The following KCNJ6 variants were observed in gnomAD, a reference collection of about 807,000 sequenced individuals.
The protein encoded by KCNJ6 is potassium inwardly rectifying channel subfamily J member 6, also known as G protein-activated inward rectifier potassium channel 2.
In KCNJ6, 9 loss-of-function variants were observed where a neutral mutation model predicts 34.2. The observed-to-expected ratio is 0.26, with a 90% CI of 0.16 to 0.46. KCNJ6 has a LOEUF of 0.46. KCNJ6 is among the 20% of genes least tolerant of loss of function. KCNJ6 has a pLI of 1.00. For missense variants in KCNJ6, 236 were observed against 531.3 expected (o/e 0.44, Z 5.46); for synonymous variants, 196 against 207.1 (o/e 0.95, Z 0.46).
chr21:37,771,317 C>T (rs1375456617), intron 2 of KCNJ6, among the ~76,000 whole-genome samples: 4 of 152,100 alleles, frequency 2.6e-5, no homozygotes, highest in Non-Finnish European at 5.9e-5. Flanking sequence ...GGACCTGAAT[C>T]CTTAAAAGCA....
chr21:37,716,570 C>CG (rs1556023975), intron 2 of KCNJ6, among the ~76,000 whole-genome samples: 2 of 151,658 alleles, frequency 1.3e-5, no homozygotes, highest in South Asian at 2.1e-4. Flanking sequence ...TTCATGGAGA[C>CG]GGGGGTCTCA....
chr21:37,638,712 C>T (rs2054368395), intron 3 of KCNJ6, among the ~76,000 whole-genome samples: 1 of 152,124 alleles, frequency 6.6e-6, no homozygotes, highest in Non-Finnish European at 1.5e-5. Flanking sequence ...GTCCTGGCTA[C>T]CATCTTCAGA....
At chr21:37,900,541 G>A (rs892106192) in intron 1 of KCNJ6, among the ~76,000 whole-genome samples, 5 of 152,174 alleles carry the variant, frequency 3.3e-5, no homozygotes, top group South Asian at 2.1e-4. Flanking sequence ...AGAAGGTAAC[G>A]CATACTATGG....
Position 37,761,659 on chromosome 21 carries a change from G to A in KCNJ6, c.26-46528C>T, listed in dbSNP as rs546660628. 3.5e-5 allele frequency among the ~76,000 whole-genome samples: 5 copies of A among 140,850 alleles called. No homozygotes were observed. In the East Asian group the frequency reaches 8.2e-4, roughly 23 times the overall value. The allele number at this position is 140,850 out of a possible 152,430, so 92.4% of individuals were successfully genotyped here. Reference sequence around the variant, plus strand: ...TTGTGTTGTGTGTGTATATTTGTGTGTTGTATGTAGTTTGTGTGTATATTT... The same window carrying A: ...TTGTGTTGTGTGTGTATATTTGTGTATTGTATGTAGTTTGTGTGTATATTT... On this transcript the variant is annotated intron_variant, in intron 2 of 3. Transcript: ENST00000609713.
intron 3 of KCNJ6, among the ~76,000 whole-genome samples, chr21:37,659,783 T>A (rs1186446347): frequency 6.6e-6 from 1 of 152,268 alleles, no homozygotes; most frequent in Non-Finnish European, 1.5e-5. Context: ...GCTTCAGGAT[T>A]CAACCTTGTC....
intron 2 of KCNJ6, among the ~76,000 whole-genome samples, chr21:37,803,730 A>G (rs1035540766): frequency 3.3e-5 from 5 of 152,194 alleles, no homozygotes; most frequent in Admixed American, 6.5e-5. Context: ...GCTTCAAATT[A>G]AAATGAACAC....
At chr21:37,902,012 A>G (rs1326458637) in intron 1 of KCNJ6, among the ~76,000 whole-genome samples, 1 of 152,212 alleles carries the variant, frequency 6.6e-6, no homozygotes, top group Non-Finnish European at 1.5e-5. Flanking sequence ...AACTCATCTA[A>G]TAGAGCTCAG....
chr21:37,799,532 G>A (rs1210982942), intron 2 of KCNJ6, among the ~76,000 whole-genome samples: 1 of 152,162 alleles, frequency 6.6e-6, no homozygotes, highest in Non-Finnish European at 1.5e-5. Context: ...GGGTCAACAG[G>A]CAAGAGCAAG....
intron 3 of KCNJ6, among the ~76,000 whole-genome samples, chr21:37,703,893 C>T (rs1696608875): frequency 6.6e-6 from 1 of 152,262 alleles, no homozygotes. Flanking sequence ...AATCCAGCCA[C>T]AGGTGAGGCT....
intron 2 of KCNJ6, among the ~76,000 whole-genome samples, chr21:37,749,026 G>A (rs143481997): frequency 2.6e-5 from 4 of 152,294 alleles, no homozygotes; most frequent in Non-Finnish European, 5.9e-5. Context: ...ATGCATGTGT[G>A]TATGTATCTG....
At chr21:37,746,304 A>C (rs914072469) in intron 2 of KCNJ6, among the ~76,000 whole-genome samples, 3 of 152,164 alleles carry the variant, frequency 2.0e-5, no homozygotes, top group African/African-American at 7.2e-5. Context: ...TTAGGTAGCA[A>C]ATCAAAGGCC....
chr21:37,870,454 A>G (rs1205736516), intron 1 of KCNJ6, among the ~76,000 whole-genome samples: 2 of 152,190 alleles, frequency 1.3e-5, no homozygotes, highest in East Asian at 3.9e-4. Context: ...AACCCATCCC[A>G]GAATTGCCTC....
intron 1 of KCNJ6, among the ~76,000 whole-genome samples, chr21:37,846,064 ACTC>A (rs2123584242): frequency 6.6e-6 from 1 of 152,042 alleles, no homozygotes; most frequent in South Asian, 2.1e-4. Flanking sequence ...TAAATCATAA[ACTC>A]CTCGGGTAGA....
intron 3 of KCNJ6, among the ~76,000 whole-genome samples, chr21:37,687,429 T>C (rs866131354): frequency 1.3e-5 from 2 of 152,228 alleles, no homozygotes; most frequent in African/African-American, 4.8e-5. Flanking sequence ...TTTTTCTTCA[T>C]GTCTCCGTGC....
chr21:37,791,409 C>T (rs992354270), intron 2 of KCNJ6, among the ~76,000 whole-genome samples: 1 of 152,164 alleles, frequency 6.6e-6, no homozygotes, highest in Non-Finnish European at 1.5e-5. Context: ...GCAGGGGTGA[C>T]CTGCACATTG....
chr21:37,727,815 C>T (rs910317221), intron 2 of KCNJ6, among the ~76,000 whole-genome samples: 4 of 152,016 alleles, frequency 2.6e-5, no homozygotes, highest in African/African-American at 9.7e-5. Context: ...CACAAACAAG[C>T]CTCAAACTGG....
chr21:37,908,762 G>A (rs904130197), intron 1 of KCNJ6, among the ~76,000 whole-genome samples: 8 of 152,064 alleles, frequency 5.3e-5, no homozygotes, highest in African/African-American at 1.9e-4. Flanking sequence ...TGATTCAAGG[G>A]CACCAGGAAA....
At chr21:37,778,310 T>C (rs545839319) in intron 2 of KCNJ6, among the ~76,000 whole-genome samples, 3 of 152,294 alleles carry the variant, frequency 2.0e-5, no homozygotes, top group African/African-American at 2.4e-5. Context: ...TTCCATAACC[T>C]GACTTTTGAG....
At chr21:37,884,313 G>T (rs2055724404) in intron 1 of KCNJ6, among the ~76,000 whole-genome samples, 1 of 152,100 alleles carries the variant, frequency 6.6e-6, no homozygotes, top group Admixed American at 6.6e-5. Context: ...TGTTCACCTT[G>T]TTCCTCTCAA....
Sources: gnomAD v4.1 joint callset for allele counts (sites outside exome capture counted in the v4.1 genomes callset) on GRCh38, gnomAD v4.1.1 for gene constraint, MANE v1.5 for transcripts, NCBI Gene and HGNC (gene_info 2026-07-23, HGNC 2026-07-21) for gene names.